The following LRP1B variants were observed in gnomAD, a reference collection of about 807,000 sequenced individuals.
The protein encoded by LRP1B is LDL receptor related protein 1B.
Under a neutral mutation model 556.6 loss-of-function variants are expected in LRP1B, and 217 were observed. That is an observed-to-expected ratio of 0.39 (90% CI 0.35 to 0.44). The LOEUF is 0.44. Ranked by LOEUF, LRP1B falls within the 20% of genes least tolerant of loss-of-function variation. The pLI is 1.00. For missense variants in LRP1B, 5,053 were observed against 5,620.8 expected (o/e 0.90, Z 3.23); for synonymous variants, 2,047 against 1,865.8 (o/e 1.10, Z -2.50).
intron 29 of LRP1B, among the ~76,000 whole-genome samples, chr2:140,849,741 G>T (rs1692399248): frequency 6.6e-6 from 1 of 151,984 alleles, no homozygotes; most frequent in Non-Finnish European, 1.5e-5. Flanking sequence ...GTTTCACCGT[G>T]TTGGTTCAGG....
At chr2:140,489,266 C>G (rs912052433) in intron 57 of LRP1B, among the ~76,000 whole-genome samples, 3 of 152,068 alleles carry the variant, frequency 2.0e-5, no homozygotes, top group African/African-American at 7.2e-5. Context: ...ACAAAGACAA[C>G]CTGTAATAAC....
At chr2:140,986,244 T>C (rs1696921576) in intron 17 of LRP1B, among the ~76,000 whole-genome samples, 1 of 152,108 alleles carries the variant, frequency 6.6e-6, no homozygotes, top group Non-Finnish European at 1.5e-5. Flanking sequence ...GAACACGATA[T>C]ATCTATCCAT....
At chr2:141,456,190 A>G (rs1681622778) in intron 3 of LRP1B, among the ~76,000 whole-genome samples, 1 of 152,116 alleles carries the variant, frequency 6.6e-6, no homozygotes, top group Non-Finnish European at 1.5e-5. Context: ...ATGGCTTTCC[A>G]TTGTCAGTAA....
intron 23 of LRP1B, among the ~76,000 whole-genome samples, 170 bp from the exon 24 acceptor site, chr2:140,886,505 T>A (rs1314956354): frequency 6.6e-6 from 1 of 152,180 alleles, no homozygotes; most frequent in Admixed American, 6.6e-5. Context: ...AACTTAGGTT[T>A]ATGTGTATTC....
chr2:141,946,426 T>A (rs904414312), intron 1 of LRP1B, among the ~76,000 whole-genome samples: 1 of 152,120 alleles, frequency 6.6e-6, no homozygotes, highest in Admixed American at 6.6e-5. Context: ...GAGTCTTAGG[T>A]GGAACTTTAG....
At chr2:140,463,321 T>C (rs992170642) in intron 60 of LRP1B, among the ~76,000 whole-genome samples, 1 of 152,168 alleles carries the variant, frequency 6.6e-6, no homozygotes, top group Non-Finnish European at 1.5e-5. Flanking sequence ...AGAAAGATCA[T>C]GCTTTATATA....
At chr2:140,764,318 G>A (rs1376667771) in intron 35 of LRP1B, among the ~76,000 whole-genome samples, 1 of 152,064 alleles carries the variant, frequency 6.6e-6, no homozygotes, top group East Asian at 1.9e-4. Flanking sequence ...ATCAAGTAAT[G>A]CCAACAATGG....
intron 7 of LRP1B, among the ~76,000 whole-genome samples, chr2:141,115,647 GTGTGTGTGTGTT>G (rs1378468737): frequency 3.9e-4 from 47 of 120,920 alleles, no homozygotes; most frequent in Admixed American, 8.9e-5. Context: ...GTGTGTGTGT[GTGTGTGTGTGTT>G]TTTTAGTAGA....
intron 7 of LRP1B, among the ~76,000 whole-genome samples, chr2:141,082,349 T>C (rs1196393900): frequency 2.2e-5 from 1 of 45,234 alleles, no homozygotes; most frequent in East Asian, 8.0e-4. Flanking sequence ...CGAACTCCAA[T>C]GATTTGGATA....
intron 1 of LRP1B, among the ~76,000 whole-genome samples, chr2:141,839,677 T>C (rs2105758104): frequency 6.6e-6 from 1 of 152,198 alleles, no homozygotes; most frequent in South Asian, 2.1e-4. Flanking sequence ...GCAAGACCTA[T>C]GAAAGTAAAG....
intron 11 of LRP1B, among the ~76,000 whole-genome samples, chr2:141,029,871 A>T (rs1224815115): frequency 2.0e-5 from 3 of 152,048 alleles, no homozygotes; most frequent in Non-Finnish European, 4.4e-5. Context: ...TGTTGTGGAG[A>T]ACTGTCCTGT....
intron 3 of LRP1B, among the ~76,000 whole-genome samples, chr2:141,348,553 A>G (rs912806363): frequency 3.9e-5 from 6 of 152,052 alleles, no homozygotes; most frequent in African/African-American, 1.5e-4. Context: ...TATAACTAAA[A>G]TATCATTATA....
At chr2:140,452,217 A>G (rs138501047) in intron 62 of LRP1B, among the ~76,000 whole-genome samples, 118 of 152,252 alleles carry the variant, frequency 7.8e-4, no homozygotes, top group African/African-American at 2.7e-3. Context: ...TATTGCCCAA[A>G]TATAAACAGT....
intron 2 of LRP1B, among the ~76,000 whole-genome samples, chr2:141,644,370 G>A (rs1689469399): frequency 6.6e-6 from 1 of 152,018 alleles, no homozygotes; most frequent in African/African-American, 2.4e-5. Context: ...GCTGCCCCAT[G>A]TAAGAAGTGC....
In LRP1B at chr2:140,973,052, T is replaced by TTATATATATATATATATATATA. The variant is rs200336213; in HGVS notation, c.2887+9086_2887+9107dup. ...ATGCTTTCATTAAATATATTTCATTTTATATATATATATATATATATATAT... is the reference window on the plus strand; with the variant it reads ...ATGCTTTCATTAAATATATTTCATTTTATATATATATATATATATATATATATATATATATATATATATATAT... On this transcript the variant is annotated intron_variant, in intron 18 of 90. Transcript: ENST00000389484. 2.6e-4 allele frequency among the ~76,000 whole-genome samples: 36 copies of TTATATATATATATATATATATA among 138,570 alleles called. No homozygotes were observed. The East Asian group carries it at 4.7e-3, about 18-fold the overall frequency. The allele number at this position is 138,570 out of a possible 152,430, so 90.9% of individuals were successfully genotyped here.
intron 7 of LRP1B, among the ~76,000 whole-genome samples, chr2:141,125,856 A>AAAC (rs1553463709): frequency 2.2e-5 from 3 of 137,128 alleles, no homozygotes; most frequent in Admixed American, 7.1e-5. Flanking sequence ...AAAAAAAAAA[A>AAAC]AAAAACAAAA....
chr2:141,095,644 T>C (rs921999373), intron 7 of LRP1B, among the ~76,000 whole-genome samples: 2 of 152,018 alleles, frequency 1.3e-5, no homozygotes, highest in Non-Finnish European at 2.9e-5. Flanking sequence ...ATTATTATTA[T>C]TTTTTTATAT....
At chr2:140,840,107 A>G (rs748909298) in intron 30 of LRP1B, 22 bp from the exon 31 acceptor site, 36 of 1,401,090 alleles carry the variant, frequency 2.6e-5, no homozygotes, top group Admixed American at 3.9e-5. Flanking sequence ...AGACATATGG[A>G]TTGAAAATAT....
intron 3 of LRP1B, among the ~76,000 whole-genome samples, chr2:141,291,447 TTC>T (rs1685943718): frequency 6.6e-6 from 1 of 152,176 alleles, no homozygotes; most frequent in East Asian, 1.9e-4. Flanking sequence ...GCTACCAATG[TTC>T]TCTAGCTTTT....
Sources: allele counts gnomAD v4.1 joint callset (sites outside exome capture counted in the v4.1 genomes callset), GRCh38; gene constraint gnomAD v4.1.1; transcripts MANE v1.5; gene names NCBI Gene and HGNC (gene_info 2026-07-23, HGNC 2026-07-21).